Variants in TATDN2 observed in about 807,000 individuals in gnomAD.
TATDN2 encodes TatD DNase domain containing 2, also known as 3'-5' RNA nuclease TATDN2.
Under a neutral mutation model 60.3 loss-of-function variants are expected in TATDN2, and 44 were observed. That is an observed-to-expected ratio of 0.73 (90% CI 0.57 to 0.94). The LOEUF (loss-of-function observed/expected upper bound fraction) is 0.94, where lower values mean the gene tolerates loss of function less well. TATDN2 is among the 40% of genes least tolerant of loss of function. The pLI, the probability that TATDN2 is intolerant of heterozygous loss-of-function variation, is 0.00. For synonymous variants in TATDN2, 399 were observed against 355.8 expected (o/e 1.12, Z -1.37); for missense variants, 997 against 948.0 (o/e 1.05, Z -0.68).
intron 2 of TATDN2, among the ~76,000 whole-genome samples, chr3:10,251,745 A>C (rs1343182847): frequency 6.6e-6 from 1 of 152,068 alleles, no homozygotes; most frequent in Non-Finnish European, 1.5e-5. Context: ...CCCAGGCTGA[A>C]GTGCAGTGGC....
intron 4 of TATDN2, among the ~76,000 whole-genome samples, chr3:10,275,186 A>G (rs773935254): frequency 5.3e-5 from 8 of 151,954 alleles, no homozygotes; most frequent in Non-Finnish European, 1.0e-4. Context: ...GGGTTTCACC[A>G]TGTTGGCCAG....
intron 3 of TATDN2, among the ~76,000 whole-genome samples, chr3:10,267,175 C>T (rs1698489536): frequency 6.6e-6 from 1 of 152,000 alleles, no homozygotes; most frequent in African/African-American, 2.4e-5. Context: ...CCTGCTTTGG[C>T]CTCCCAAAGT....
intron 4 of TATDN2, among the ~76,000 whole-genome samples, chr3:10,272,551 G>A (rs1328639551): frequency 6.6e-6 from 1 of 151,482 alleles, no homozygotes; most frequent in African/African-American, 2.4e-5. Flanking sequence ...CGATTCTCTT[G>A]CCTCAGCCTC....
chr3:10,269,429 C>T (rs916157423), intron 3 of TATDN2, among the ~76,000 whole-genome samples: 16 of 152,300 alleles, frequency 1.1e-4, no homozygotes, highest in African/African-American at 3.9e-4. Flanking sequence ...GTCACAATGG[C>T]CAGGTGTGGT....
At chr3:10,249,164 T>G (rs749334254) in intron 1 of TATDN2, 31 bp from the exon 2 acceptor site, 3 of 1,480,906 alleles carry the variant, frequency 2.0e-6, no homozygotes, top group Non-Finnish European at 2.7e-6. Flanking sequence ...GGAAGGGTGG[T>G]GTTGGAATCC....
intron 3 of TATDN2, among the ~76,000 whole-genome samples, chr3:10,267,760 G>A (rs944381634): frequency 6.6e-6 from 1 of 152,138 alleles, no homozygotes; most frequent in African/African-American, 2.4e-5. Context: ...TTGCCATAAT[G>A]TGACCACCTC....
intron 2 of TATDN2, among the ~76,000 whole-genome samples, chr3:10,254,971 C>T (rs937538069): frequency 2.0e-5 from 3 of 151,194 alleles, no homozygotes; most frequent in African/African-American, 7.3e-5. Context: ...CTCACTTTCT[C>T]TCTTTTTTTC....
At chr3:10,257,024 G>A (rs1219526315) in intron 2 of TATDN2, among the ~76,000 whole-genome samples, 1 of 151,952 alleles carries the variant, frequency 6.6e-6, no homozygotes, top group Non-Finnish European at 1.5e-5. Flanking sequence ...GCCAGGCACG[G>A]TGGCTCATGC....
Position 10,272,184 on chromosome 3 carries a change from A to T in TATDN2, c.1833+1169A>T, listed in dbSNP as rs539786280. On this transcript the variant is annotated intron_variant, in intron 4 of 7. Coordinates refer to ENST00000448281, the MANE Select transcript of TATDN2 (RefSeq NM_014760.4). ...CAGTGGTGCAGCCACAGCTCACTGC[A>T]GCCTTGACCTCCTGGGCTCAAGTGA... Among the ~76,000 whole-genome samples, 8 of 151,216 alleles carry T rather than the reference A, an allele frequency of 5.3e-5. 1 individual carries two copies. The highest frequency in any genetic ancestry group is 1.9e-4 in the African/African-American group (8 of 41,128).
At chr3:10,250,644 A>G (rs867345165) in intron 2 of TATDN2, among the ~76,000 whole-genome samples, 3 of 152,194 alleles carry the variant, frequency 2.0e-5, no homozygotes, top group Admixed American at 2.0e-4. Flanking sequence ...TTGGGGACTC[A>G]TAGGCTAAGT....
At position 10,270,595 on chromosome 3, in the gene TATDN2, G is replaced by C. The variant is rs142035688; in HGVS notation, c.1413G>C (p.Pro471=). 6.2e-7 allele frequency: 1 copy of C among 1,614,214 alleles called. No individual in the cohort carries two copies. Among genetic ancestry groups the C allele is most frequent in the African/African-American group, 1.3e-5 (1 of 75,054 alleles). The change falls in exon 4 of 8, where the codon CCG becomes CCC. Residue 471 remains proline (P), a synonymous_variant. Transcript: ENST00000448281. ...EKRTFQEEMP[P]RPCGGHASSS... ...GAACATTCCAAGAGGAGATGCCTCC[G>C]CGTCCTTGTGGAGGACACGCATCCA...
intron 3 of TATDN2, among the ~76,000 whole-genome samples, chr3:10,267,539 C>T (rs890366433): frequency 2.0e-5 from 3 of 152,250 alleles, no homozygotes; most frequent in East Asian, 1.9e-4. Context: ...CAAGTCTCTT[C>T]GTCTCTATAG....
intron 3 of TATDN2, 28 bp from the exon 4 acceptor site, chr3:10,270,103 C>T (rs1263701142): frequency 1.3e-6 from 2 of 1,585,854 alleles, no homozygotes; most frequent in East Asian, 4.5e-5. Context: ...GAAGGCTAAC[C>T]CACTGTTGTA....
At chr3:10,274,601 G>A (rs995657422) in intron 4 of TATDN2, among the ~76,000 whole-genome samples, 1 of 152,190 alleles carries the variant, frequency 6.6e-6, no homozygotes, top group African/African-American at 2.4e-5. Context: ...CTGCCTGTGT[G>A]TAGGGGTCGG....
intron 2 of TATDN2, 124 bp downstream of exon 2, chr3:10,249,738 T>C: frequency 8.5e-7 from 1 of 1,179,552 alleles, no homozygotes; most frequent in Non-Finnish European, 1.1e-6. Flanking sequence ...GGAAGGTCTT[T>C]CTAGAAGTCC....
At position 10,279,421 on chromosome 3, in the gene TATDN2, C is replaced by G. The variant is rs1169043133; in HGVS notation, c.*239C>G. Reference sequence around the variant, plus strand: ...GGTATGGGGACTGCCTGTAATAGCACTGGGATTTTGCCTCCCAGCCAAAAT... The same window carrying G: ...GGTATGGGGACTGCCTGTAATAGCAGTGGGATTTTGCCTCCCAGCCAAAAT... On this transcript the variant is annotated 3_prime_UTR_variant, in exon 8 of 8. Transcript: ENST00000448281. 1 of 180,442 alleles carries G rather than the reference C, an allele frequency of 5.5e-6. No homozygotes were observed. Among genetic ancestry groups the G allele is most frequent in the Non-Finnish European group, 1.2e-5 (1 of 85,566 alleles). The allele number at this position is 180,442 out of a possible 1,614,324, so 11.2% of individuals were successfully genotyped here.
chr3:10,252,168 A>ATTT (rs1402034261), intron 2 of TATDN2, among the ~76,000 whole-genome samples: 2 of 136,470 alleles, frequency 1.5e-5, no homozygotes, highest in African/African-American at 5.8e-5. Flanking sequence ...AAAAAAAAAA[A>ATTT]TTTTTTTTTT....
chr3:10,269,363 G>A (rs1698523424), intron 3 of TATDN2, among the ~76,000 whole-genome samples: 1 of 152,190 alleles, frequency 6.6e-6, no homozygotes, highest in South Asian at 2.1e-4. Flanking sequence ...AGGGGTCATA[G>A]ACCCCACTCT....
At position 10,249,263 on chromosome 3, in the gene TATDN2, C is replaced by G; in HGVS notation, c.63C>G (p.Arg21=). 6.3e-7 allele frequency: 1 copy of G among 1,575,790 alleles called. No homozygotes were observed. The highest frequency in any genetic ancestry group is 8.6e-7 in the Non-Finnish European group (1 of 1,159,754). The part of the protein sequence containing the change: ...NWSSTSEGCP[R]KRSCLREPCD... ...GCAGCACGTCGGAAGGGTGTCCCCG[C>G]AAGCGCAGCTGCCTCCGGGAGCCCT... is the stretch of plus-strand genomic sequence containing the variant. Residue 21 remains arginine (R), a synonymous_variant, in exon 2 of 8, where the codon CGC becomes CGG. Coordinates refer to ENST00000448281, the MANE Select transcript of TATDN2 (RefSeq NM_014760.4).
Sources: gnomAD v4.1 joint callset for allele counts (sites outside exome capture counted in the v4.1 genomes callset) on GRCh38, gnomAD v4.1.1 for gene constraint, MANE v1.5 for transcripts, NCBI Gene and HGNC (gene_info 2026-07-23, HGNC 2026-07-21) for gene names.